Variants in KIF18B observed in about 807,000 individuals in gnomAD.
KIF18B encodes kinesin-like protein KIF18B.
A neutral mutation model predicts 80.9 loss-of-function variants in KIF18B; 49 were observed. The ratio of observed to expected loss-of-function variants is 0.61; its 90% CI spans 0.48 to 0.77. KIF18B has a LOEUF of 0.77. Ranked by LOEUF, KIF18B falls within the 30% of genes least tolerant of loss-of-function variation. The pLI, the probability that KIF18B is intolerant of heterozygous loss-of-function variation, is 0.00. For missense variants in KIF18B, 994 were observed against 1,127.7 expected (o/e 0.88, Z 1.70); for synonymous variants, 439 against 463.9 (o/e 0.95, Z 0.69).
chr17:44,944,957 T>C (rs1219362718), intron 1 of KIF18B, among the ~76,000 whole-genome samples: 2 of 152,242 alleles, frequency 1.3e-5, no homozygotes, highest in East Asian at 3.8e-4. Context: ...TATTTCTCCA[T>C]CAATATTGCC....
chr17:44,931,759 G>C (rs1185732679), intron 10 of KIF18B, 30 bp from the exon 11 acceptor site: 1 of 1,611,720 alleles, frequency 6.2e-7, no homozygotes. Context: ...CACAGGTAGA[G>C]GGGCCAGGAT....
chr17:44,933,262 G>C (rs1003289026), intron 7 of KIF18B, among the ~76,000 whole-genome samples: 2 of 152,078 alleles, frequency 1.3e-5, no homozygotes, highest in Non-Finnish European at 2.9e-5. Context: ...GGGAGGAAGA[G>C]AGGGGTCAAG....
rs993143641 is a variant in KIF18B, at chr17:44,928,276, T to TG, written c.2025dup (p.Lys676GlnfsTer50). ...CAGGGGGAGGAGGCCCTTTCTCCTT[T>TG]GGGGGTGCTGGGCCCCTGTGAAGGT... On this transcript the variant is annotated frameshift_variant, in exon 13 of 16. Transcript: ENST00000593135. LOFTEE classifies it high-confidence loss of function. 6.2e-7 allele frequency: 1 copy of TG among 1,613,318 alleles called. No individual in the cohort carries two copies. The highest frequency in any genetic ancestry group is 1.3e-5 in the African/African-American group (1 of 74,894).
chr17:44,936,468 TTA>T, intron 1 of KIF18B, 110 bp from the exon 2 acceptor site: 2 of 847,856 alleles, frequency 2.4e-6, no homozygotes, highest in Non-Finnish European at 3.6e-6. Flanking sequence ...GGTCTCTGTT[TTA>T]TGCCTCAAGA....
intron 1 of KIF18B, among the ~76,000 whole-genome samples, chr17:44,943,368 G>A (rs1220231352): frequency 1.3e-5 from 2 of 152,136 alleles, no homozygotes; most frequent in East Asian, 1.9e-4. Context: ...CCAAAGTGCT[G>A]GGATTACAGG....
At chr17:44,946,214 CT>C (rs1210879489) in intron 1 of KIF18B, among the ~76,000 whole-genome samples, 1 of 152,080 alleles carries the variant, frequency 6.6e-6, no homozygotes, top group Non-Finnish European at 1.5e-5. Context: ...TACATGGATA[CT>C]TTTTTTAACT....
Position 44,928,512 on chromosome 17 carries a change from G to A in KIF18B, c.1790C>T (p.Ala597Val), listed in dbSNP as rs371973434. 6.5e-5 allele frequency: 96 copies of A among 1,486,208 alleles called. No individual in the cohort carries two copies. Among genetic ancestry groups the A allele is most frequent in the Middle Eastern group, 1.7e-4 (1 of 5,744 alleles). The allele number at this position is 1,486,208 out of a possible 1,614,324, so 92.1% of individuals were successfully genotyped here. Residue 597 changes from alanine (A) to valine (V), a missense_variant, in exon 13 of 16, where the codon GCG becomes GTG. Transcript: ENST00000593135. ...GTGCAGGGGGCCACTCAGTCGCCTCGCCATAGTCCGGGTCACAGGGCCAGT... is the reference window on the plus strand; with the variant it reads ...GTGCAGGGGGCCACTCAGTCGCCTCACCATAGTCCGGGTCACAGGGCCAGT... ...GYTGPVTRTM[A>V]RRLSGPLHTL...
chr17:44,932,307 G>T, intron 9 of KIF18B, 101 bp from the exon 10 acceptor site: 2 of 1,340,272 alleles, frequency 1.5e-6, no homozygotes, highest in Non-Finnish European at 2.0e-6. Context: ...GGAGCGGGTG[G>T]GATCTCTGTG....
chr17:44,939,099 G>A (rs575136643), intron 1 of KIF18B, among the ~76,000 whole-genome samples: 6 of 151,170 alleles, frequency 4.0e-5, no homozygotes, highest in East Asian at 1.9e-4. Context: ...TGCCGGGTGC[G>A]GTGGCTCATG....
At position 44,931,624 on chromosome 17, in the gene KIF18B, G is replaced by A; in HGVS notation, c.1495C>T (p.Leu499=). The A allele has an allele frequency of 6.2e-7, 1 of 1,614,042 alleles. No individual in the cohort carries two copies. The highest frequency in any genetic ancestry group is 8.5e-7 in the Non-Finnish European group (1 of 1,179,910). ...PVVGHFSARE[L]DGDRSKQLAL... ...TACTGCTTAGAACGGTCCCCATCCA[G>A]TTCCCGTGCTGAGAAGTGGCCCACG... Residue 499 remains leucine, a synonymous_variant, in exon 11 of 16, where the codon CTG becomes TTG. Coordinates refer to ENST00000593135, the MANE Select transcript of KIF18B (RefSeq NM_001265577.2).
At chr17:44,940,643 G>C (rs2052398519) in intron 1 of KIF18B, among the ~76,000 whole-genome samples, 2 of 152,162 alleles carry the variant, frequency 1.3e-5, no homozygotes, top group Non-Finnish European at 1.5e-5. Context: ...TATTGACAGG[G>C]GTGAGGAACA....
intron 9 of KIF18B, 176 bp from the exon 10 acceptor site, chr17:44,932,382 G>A: frequency 1.5e-6 from 1 of 672,728 alleles, no homozygotes; most frequent in Non-Finnish European, 2.4e-6. Context: ...AGTAGCTGAG[G>A]GTAGGAGGAG....
chr17:44,941,885 C>T lies in KIF18B; in HGVS notation c.-14-5527G>A, dbSNP rs1052742666. On this transcript the variant is annotated intron_variant, in intron 1 of 15. Coordinates refer to ENST00000593135, the MANE Select transcript of KIF18B (RefSeq NM_001265577.2). ...TCATAACCTTTACAGTTCTCTCCTC[C>T]CGCCTCCTGAGGGCCAGTGTGGCTG... Among the ~76,000 whole-genome samples, 3 of 152,186 alleles carry T rather than the reference C, an allele frequency of 2.0e-5. No homozygotes were observed. The East Asian group carries it at 5.8e-4, about 29-fold the overall frequency.
chr17:44,928,351 G>T lies in KIF18B; in HGVS notation c.1951C>A (p.Arg651Ser). 6.2e-7 allele frequency: 1 copy of T among 1,604,018 alleles called. No homozygotes were observed. Residue 651 changes from arginine to serine, a missense_variant, in exon 13 of 16, where the codon CGC becomes AGC. By Grantham distance (110) the Arg-to-Ser change is moderately radical. Coordinates refer to ENST00000593135, the MANE Select transcript of KIF18B (RefSeq NM_001265577.2). ...CTTAGGCAGGGCAGGAAGGACTGGC[G>T]CTGGCGCTTGGTGCCCCGCTTTGGG... is the stretch of plus-strand genomic sequence containing the variant. ...MAPKRGTKRQRQSFLPCLRRG... is the reference protein window; with the variant it reads ...MAPKRGTKRQSQSFLPCLRRG...
chr17:44,947,170 C>T (rs1597902952), intron 1 of KIF18B, among the ~76,000 whole-genome samples: 1 of 149,312 alleles, frequency 6.7e-6, no homozygotes, highest in Non-Finnish European at 1.5e-5. Context: ...GCCACCGGCA[C>T]GTGCAGCTCT....
rs762375753 is a variant in KIF18B, at chr17:44,936,175, G to A, written c.170C>T (p.Thr57Ile). ...GCCCTTCTTCTTGGGGCCATCATGG[G>A]TGCCACCCCATTTCAGGCCAGGGAA... ...GGFPGLKWGGTHDGPKKKGKD... is the reference protein window; with the variant it reads ...GGFPGLKWGGIHDGPKKKGKD... The change falls in exon 2 of 16, where the codon ACC becomes ATC. Residue 57 changes from threonine to isoleucine, a missense_variant. Transcript: ENST00000593135. 11 of 1,613,002 alleles carry A rather than the reference G, an allele frequency of 6.8e-6. No individual in the cohort carries two copies. The highest frequency in any genetic ancestry group is 1.7e-5 in the Admixed American group (1 of 59,898).
intron 7 of KIF18B, among the ~76,000 whole-genome samples, chr17:44,933,426 G>A (rs2052202418): frequency 6.6e-6 from 1 of 152,114 alleles, no homozygotes; most frequent in South Asian, 2.1e-4. Flanking sequence ...CTCTCAGCTG[G>A]TGGCTTCCCA....
rs2052044749 is a variant in KIF18B, at chr17:44,927,066, G to A, written c.2289C>T (p.Pro763=). ...DQPFIPRAPV[P]LFTMKGPKPT... ...GCTTGGGGCCCTTCATGGTGAACAG[G>A]GGCACAGGTGCCCTGGGGAGGGAGG... The change falls in exon 14 of 16, where the codon CCC becomes CCT. Residue 763 remains proline (P), a synonymous_variant. Coordinates refer to ENST00000593135, the MANE Select transcript of KIF18B (RefSeq NM_001265577.2). This position sits in a 1 kb window ranked among gnomAD's most constrained non-coding sequence, Gnocchi z 4.1. 4 of 1,611,170 alleles carry A rather than the reference G, an allele frequency of 2.5e-6. No homozygotes were observed. The highest frequency in any genetic ancestry group is 4.5e-5 in the East Asian group (2 of 44,866).
intron 15 of KIF18B, 45 bp downstream of exon 15, chr17:44,926,368 AT>A (rs752926049): frequency 1.7e-5 from 26 of 1,553,948 alleles, no homozygotes; most frequent in Non-Finnish European, 2.0e-5. Flanking sequence ...TCTTGTCTTC[AT>A]CGGCCTCCAT....
Sources: allele counts gnomAD v4.1 joint callset (sites outside exome capture counted in the v4.1 genomes callset), GRCh38; gene constraint gnomAD v4.1.1; non-coding constraint Gnocchi (gnomAD v3.1); transcripts MANE v1.5; gene names NCBI Gene and HGNC (gene_info 2026-07-23, HGNC 2026-07-21).